The following HK1 variants were observed in gnomAD, a reference collection of about 807,000 sequenced individuals.
HK1 encodes the protein hexokinase-1.
HK1 carries 28 observed loss-of-function variants against 91.6 expected under a neutral mutation model. The ratio of observed to expected loss-of-function variants is 0.31; its 90% CI spans 0.23 to 0.42. The LOEUF is 0.42. HK1 is among the 10% of genes least tolerant of loss of function. HK1 has a pLI of 1.00. For synonymous variants in HK1, 430 were observed against 468.1 expected, an observed-to-expected ratio of 0.92 and a Z score of 1.05; for missense variants, 770 against 1,219.8, an observed-to-expected ratio of 0.63 and a Z score of 5.49.
intron 1 of HK1, among the ~76,000 whole-genome samples, chr10:69,343,614 G>A (rs1009691813): frequency 6.6e-6 from 1 of 152,198 alleles, no homozygotes; most frequent in Non-Finnish European, 1.5e-5. Context: ...GAGATATCGG[G>A]TTCATTTTAC....
chr10:69,276,128 TATATATATATACAC>T (rs1844453059), intron 1 of HK1, among the ~76,000 whole-genome samples: 1 of 104,722 alleles, frequency 9.5e-6, no homozygotes, highest in African/African-American at 3.2e-5. Context: ...AATACATATA[TATATATATATACAC>T]ATATATATAT....
chr10:69,343,701 GC>G, intron 1 of HK1, 125 bp from the exon 2 acceptor site: 1 of 785,316 alleles, frequency 1.3e-6, no homozygotes, highest in Non-Finnish European at 2.3e-6. Context: ...ATGACCTTCC[GC>G]CATGCGATGT....
intron 3 of HK1, among the ~76,000 whole-genome samples, chr10:69,291,979 A>C (rs7083056): frequency 0.033 from 4,951 of 152,302 alleles, 293 homozygotes; most frequent in African/African-American, 0.11. Flanking sequence ...GGCTTTGGGC[A>C]TGTGGAAAAC....
chr10:69,391,115 G>T (rs1019754240), intron 14 of HK1, among the ~76,000 whole-genome samples: 1 of 152,350 alleles, frequency 6.6e-6, no homozygotes, highest in South Asian at 2.1e-4. Flanking sequence ...GCAAGCATAT[G>T]TCAGGTTGCA....
upstream of HK1, among the ~76,000 whole-genome samples, chr10:69,314,331 T>A (rs1382395235): frequency 6.6e-6 from 1 of 152,208 alleles, no homozygotes; most frequent in Non-Finnish European, 1.5e-5. Flanking sequence ...TAGTCCAGTC[T>A]CTGGGTGGGG....
At chr10:69,361,444 T>C (rs912156819) in intron 3 of HK1, among the ~76,000 whole-genome samples, 1 of 152,196 alleles carries the variant, frequency 6.6e-6, no homozygotes, top group Non-Finnish European at 1.5e-5. Flanking sequence ...CATCCTGCAC[T>C]TTCTGTTTGG....
upstream of HK1, chr10:69,315,642 GAAC>G: frequency 2.2e-6 from 1 of 444,962 alleles, no homozygotes; most frequent in Non-Finnish European, 4.2e-6. Flanking sequence ...GTCAGCACTG[GAAC>G]AACAGAGAGG....
intron 2 of HK1, chr10:69,288,628 C>A: frequency 1.1e-6 from 1 of 938,966 alleles, no homozygotes. Context: ...ATGAGACCGA[C>A]AATCCTCTGA....
chr10:69,318,069 C>G (rs867133980), upstream of HK1: 17 of 985,326 alleles, frequency 1.7e-5, no homozygotes, highest in East Asian at 1.7e-3. Flanking sequence ...GACCTGTGGC[C>G]CAAGTCCCGC....
chr10:69,359,575 T>C (rs1051071388), intron 2 of HK1, among the ~76,000 whole-genome samples: 18 of 152,204 alleles, frequency 1.2e-4, no homozygotes, highest in African/African-American at 4.3e-4. Flanking sequence ...GTTTTTGAAA[T>C]AGGTTAAGAA....
intron 15 of HK1, 79 bp from the exon 16 acceptor site, chr10:69,394,871 G>A (rs1840065496): frequency 1.1e-5 from 16 of 1,433,660 alleles, no homozygotes; most frequent in East Asian, 6.8e-5. Context: ...TAGGAGACGC[G>A]GAGTGACCGT....
At chr10:69,317,990 G>C, upstream of HK1, 1 of 946,614 alleles carries the variant, frequency 1.1e-6, no homozygotes, top group Non-Finnish European at 1.3e-6. Flanking sequence ...GCGCTGAACC[G>C]TGCCCCAAGT....
In HK1 at chr10:69,332,440, G is replaced by T. The variant is rs185986438; in HGVS notation, c.64-11387G>T. ...GTCATCCAGGCTGGAGTGCACTGGC[G>T]CAATCTTGACTCACCGCAACCTCTG... On this transcript the variant is annotated intron_variant, in intron 1 of 17. Transcript: ENST00000359426. Among the ~76,000 whole-genome samples the T allele has an allele frequency of 1.9e-3, 278 of 146,716 alleles. 2 individuals are homozygous for T. Among genetic ancestry groups the T allele is most frequent in the Middle Eastern group, 6.9e-3 (2 of 290 alleles).
At chr10:69,334,064 T>C (rs1401430915) in intron 1 of HK1, among the ~76,000 whole-genome samples, 1 of 152,042 alleles carries the variant, frequency 6.6e-6, no homozygotes, top group African/African-American at 2.4e-5. Context: ...TGAGCTGAGA[T>C]TGCGCCACTG....
At chr10:69,288,505 G>T (rs775866047) in intron 2 of HK1, among the ~76,000 whole-genome samples, 5 of 152,178 alleles carry the variant, frequency 3.3e-5, no homozygotes, top group Non-Finnish European at 7.4e-5. Context: ...ACAAACAAAA[G>T]GAGAAACTTT....
chr10:69,368,571 G>C lies in HK1; in HGVS notation c.531G>C (p.Ala177=), dbSNP rs370998274. The C allele has an allele frequency of 1.2e-6, 2 of 1,614,102 alleles. No homozygotes were observed. The highest frequency in any genetic ancestry group is 1.1e-5 in the South Asian group (1 of 91,084). Residue 177 remains alanine, a synonymous_variant, in exon 5 of 18, where the codon GCG becomes GCC. Coordinates refer to ENST00000359426, the MANE Select transcript of HK1 (RefSeq NM_000188.3). The part of the protein sequence containing the change: ...ILITWTKRFK[A]SGVEGADVVK... ...TCACCTGGACAAAGCGATTTAAAGC[G>C]AGCGGAGTGGAAGGAGCAGATGTGG...
chr10:69,384,266 T>TG, intron 10 of HK1, 67 bp from the exon 11 acceptor site: 1 of 1,594,974 alleles, frequency 6.3e-7, no homozygotes. Context: ...TCTGGAGTCT[T>TG]GGGGTTACTG....
At chr10:69,288,788 T>A in intron 3 of HK1, 1 of 1,610,092 alleles carries the variant, frequency 6.2e-7, no homozygotes, top group Non-Finnish European at 8.5e-7. Flanking sequence ...CTGGTGTTTC[T>A]TTCTTTCTTT....
Position 69,276,138 on chromosome 10 carries a change from T to TATACAC in HK1, c.-391+6031_-391+6032insTACACA, listed in dbSNP as rs753204633. Among the ~76,000 whole-genome samples the TATACAC allele has an allele frequency of 7.8e-5, 6 of 76,434 alleles. 1 individual carries two copies. Among genetic ancestry groups the TATACAC allele is most frequent in the African/African-American group, 1.2e-4 (3 of 24,648 alleles). 50.1% of individuals were successfully genotyped at this position (76,434 alleles called of 152,430 possible). ...AAAAAAATACATATATATATATATA[T>TATACAC]ACACATATATATATTCTATATTAAA... On this transcript the variant is annotated intron_variant, in intron 1 of 21. Transcript: ENST00000360289.
Sources: allele counts gnomAD v4.1 joint callset (sites outside exome capture counted in the v4.1 genomes callset), GRCh38; gene constraint gnomAD v4.1.1; transcripts MANE v1.5; gene names NCBI Gene and HGNC (gene_info 2026-07-23, HGNC 2026-07-21).